Variants in LUZP2 observed in about 807,000 individuals in gnomAD.
The protein encoded by LUZP2 is leucine zipper protein 2.
A neutral mutation model predicts 51.6 loss-of-function variants in LUZP2; 52 were observed. That is an observed-to-expected ratio of 1.01 (90% CI 0.81 to 1.27). The LOEUF (loss-of-function observed/expected upper bound fraction) is 1.27. Among genes scored for constraint, LUZP2 ranks in the 50% most tolerant of loss-of-function variants. The pLI is 0.00. For synonymous variants in LUZP2, 154 were observed against 137.3 expected (o/e 1.12, Z -0.85); for missense variants, 436 against 395.4 (o/e 1.10, Z -0.87).
At chr11:24,576,146 C>T (rs1852637908) in intron 1 of LUZP2, among the ~76,000 whole-genome samples, 2 of 152,044 alleles carry the variant, frequency 1.3e-5, no homozygotes. Context: ...GGCATGGTGG[C>T]TCATGCCTGT....
intron 1 of LUZP2, among the ~76,000 whole-genome samples, chr11:24,679,023 T>C (rs1021518320): frequency 1.1e-4 from 16 of 152,222 alleles, no homozygotes; most frequent in African/African-American, 3.6e-4. Context: ...TTCTAACTTC[T>C]GATTATAATA....
At chr11:25,063,142 T>A (rs1486613169) in intron 10 of LUZP2, among the ~76,000 whole-genome samples, 1 of 151,612 alleles carries the variant, frequency 6.6e-6, no homozygotes, top group African/African-American at 2.4e-5. Context: ...CAACAGAAAA[T>A]AAAACAAATA....
At chr11:24,961,285 CA>C (rs1855393950) in intron 7 of LUZP2, among the ~76,000 whole-genome samples, 1 of 152,120 alleles carries the variant, frequency 6.6e-6, no homozygotes, top group Non-Finnish European at 1.5e-5. Flanking sequence ...GAGCTGAGTT[CA>C]ATTCCTCGGT....
chr11:24,895,541 T>G (rs1023091622), intron 5 of LUZP2, among the ~76,000 whole-genome samples: 1 of 152,164 alleles, frequency 6.6e-6, no homozygotes, highest in Non-Finnish European at 1.5e-5. Flanking sequence ...AGTCCTCATT[T>G]TCCATTGTTG....
At chr11:24,656,471 C>T (rs1336027828) in intron 1 of LUZP2, among the ~76,000 whole-genome samples, 2 of 152,118 alleles carry the variant, frequency 1.3e-5, no homozygotes, top group African/African-American at 2.4e-5. Context: ...AACTTAGTGT[C>T]TTAAAAGAAC....
intron 1 of LUZP2, among the ~76,000 whole-genome samples, chr11:24,710,943 G>T (rs561143201): frequency 1.3e-4 from 20 of 149,186 alleles, no homozygotes; most frequent in African/African-American, 4.5e-4. Context: ...AAGGGAGGAA[G>T]GAAGGAAAGG....
intron 9 of LUZP2, among the ~76,000 whole-genome samples, chr11:24,994,848 C>T (rs1856448374): frequency 6.6e-6 from 1 of 151,984 alleles, no homozygotes; most frequent in South Asian, 2.1e-4. Flanking sequence ...GAATATATTG[C>T]TTTTCATTTC....
At chr11:24,895,820 A>G (rs1046140404) in intron 5 of LUZP2, among the ~76,000 whole-genome samples, 1 of 152,150 alleles carries the variant, frequency 6.6e-6, no homozygotes, top group African/African-American at 2.4e-5. Flanking sequence ...GTCTTTTGGT[A>G]GAAATATTTG....
At chr11:24,497,444 T>C in intron 1 of LUZP2, 139 bp downstream of exon 1, 1 of 521,570 alleles carries the variant, frequency 1.9e-6, no homozygotes, top group East Asian at 3.5e-5. Context: ...CTGTATGGTT[T>C]GGGCTCTGAA....
At chr11:24,695,870 A>G (rs1282706895) in intron 1 of LUZP2, among the ~76,000 whole-genome samples, 3 of 151,912 alleles carry the variant, frequency 2.0e-5, no homozygotes, top group Non-Finnish European at 2.9e-5. Flanking sequence ...AAAATTTAAA[A>G]TATGCATATA....
intron 2 of LUZP2, among the ~76,000 whole-genome samples, chr11:24,730,396 G>A (rs1162252200): frequency 9.8e-6 from 1 of 102,244 alleles, no homozygotes; most frequent in Admixed American, 1.1e-4. Flanking sequence ...TGGAGAAGAT[G>A]GAAACGAGAG....
Position 24,742,057 on chromosome 11 carries a change from T to TTTTATATATATATATATATATA in LUZP2, c.333+3756_333+3757insTTATATATATATATATATATAT, listed in dbSNP as rs571183533. Among the ~76,000 whole-genome samples the TTTTATATATATATATATATATA allele has an allele frequency of 1.7e-3, 200 of 116,286 alleles. 15 individuals are homozygous for TTTTATATATATATATATATATA. Among genetic ancestry groups the TTTTATATATATATATATATATA allele is most frequent in the African/African-American group, 7.9e-3 (188 of 23,830 alleles). 76.3% of individuals were successfully genotyped at this position (116,286 alleles called of 152,430 possible). On this transcript the variant is annotated intron_variant, in intron 4 of 11. Coordinates refer to ENST00000336930, the MANE Select transcript of LUZP2 (RefSeq NM_001009909.4). ...TATAAATACATAAAAATAAATATAATTATATATATATATATATATCACCAT... is the reference window on the plus strand; with the variant it reads ...TATAAATACATAAAAATAAATATAATTTTATATATATATATATATATATATATATATATATATATATCACCAT...
At chr11:24,502,255 T>C (rs577942200) in intron 1 of LUZP2, among the ~76,000 whole-genome samples, 152 of 142,094 alleles carry the variant, frequency 1.1e-3, no homozygotes, top group African/African-American at 4.2e-3. Context: ...ATCAATTAGG[T>C]GACATGAAAT....
chr11:24,498,235 C>G (rs1186316222), intron 1 of LUZP2, among the ~76,000 whole-genome samples: 2 of 152,134 alleles, frequency 1.3e-5, no homozygotes, highest in Non-Finnish European at 2.9e-5. Flanking sequence ...AATAAAATAA[C>G]CCACACAGGA....
At position 24,599,145 on chromosome 11, in the gene LUZP2, C is replaced by T. The variant is rs1355209; in HGVS notation, c.62+101840C>T. The stretch of plus-strand genomic sequence containing the variant: ...TAGAAAATGTTTTCTTCATCAACAA[C>T]GTGATGAAGACATGAAGATAGTCAT... On this transcript the variant is annotated intron_variant, in intron 1 of 11. Coordinates refer to ENST00000336930, the MANE Select transcript of LUZP2 (RefSeq NM_001009909.4). 9.5e-4 allele frequency among the ~76,000 whole-genome samples: 145 copies of T among 152,148 alleles called. 1 individual carries two copies. The highest frequency in any genetic ancestry group is 3.3e-3 in the African/African-American group (135 of 41,500).
chr11:24,728,425 T>C (rs1371906850), intron 1 of LUZP2, among the ~76,000 whole-genome samples: 3 of 152,060 alleles, frequency 2.0e-5, no homozygotes, highest in African/African-American at 7.2e-5. Context: ...TCTGCTCTAG[T>C]TAGGCCAGCG....
chr11:24,894,983 C>A (rs1217832886), intron 5 of LUZP2, among the ~76,000 whole-genome samples: 1 of 152,072 alleles, frequency 6.6e-6, no homozygotes, highest in Non-Finnish European at 1.5e-5. Context: ...GTTCCTGGGA[C>A]TTAGGAAAAA....
chr11:24,613,280 C>T (rs1854179418), intron 1 of LUZP2, among the ~76,000 whole-genome samples: 1 of 152,058 alleles, frequency 6.6e-6, no homozygotes, highest in South Asian at 2.1e-4. Flanking sequence ...AAAACATAAA[C>T]AGATTGTACT....
chr11:24,963,077 G>A (rs1215727846), intron 7 of LUZP2, among the ~76,000 whole-genome samples: 7 of 152,136 alleles, frequency 4.6e-5, no homozygotes, highest in African/African-American at 1.2e-4. Context: ...CAGAACAGCG[G>A]TTTTTCGTGA....
Sources: gnomAD v4.1 joint callset for allele counts (sites outside exome capture counted in the v4.1 genomes callset) on GRCh38, gnomAD v4.1.1 for gene constraint, MANE v1.5 for transcripts, NCBI Gene and HGNC (gene_info 2026-07-23, HGNC 2026-07-21) for gene names.